ATXN1: variants seen among roughly 807,000 people sequenced by gnomAD.
ATXN1 encodes the protein ataxin-1.
In ATXN1, 8 loss-of-function variants were observed where a neutral mutation model predicts 56.4. The observed-to-expected ratio is 0.14, with a 90% CI of 0.08 to 0.26. The LOEUF (loss-of-function observed/expected upper bound fraction) is 0.26, where lower values mean the gene tolerates loss of function less well. Among genes scored for constraint, ATXN1 ranks in the 10% least tolerant of loss-of-function variants. The probability of loss-of-function intolerance (pLI) is 1.00; values close to 1 mark genes in which losing one functional copy is unlikely to be tolerated. For synonymous variants in ATXN1, 514 were observed against 494.6 expected, an observed-to-expected ratio of 1.04 and a Z score of -0.52; for missense variants, 987 against 1,106.5, an observed-to-expected ratio of 0.89 and a Z score of 1.53.
At chr6:16,699,786 G>C (rs979548170) in intron 2 of ATXN1, among the ~76,000 whole-genome samples, 1 of 152,178 alleles carries the variant, frequency 6.6e-6, no homozygotes, top group Non-Finnish European at 1.5e-5. Context: ...AGAATCAACT[G>C]TGTCCCTTAG....
intron 2 of ATXN1, among the ~76,000 whole-genome samples, chr6:16,689,190 C>T (rs1044873518): frequency 6.6e-6 from 1 of 152,074 alleles, no homozygotes; most frequent in Non-Finnish European, 1.5e-5. Flanking sequence ...TTTGGAACTG[C>T]AATACTTGAG....
intron 6 of ATXN1, among the ~76,000 whole-genome samples, chr6:16,421,578 T>C (rs943406607): frequency 8.0e-5 from 12 of 149,086 alleles, no homozygotes; most frequent in African/African-American, 2.9e-4. Context: ...ACTGGGCTTC[T>C]TCCTACTTTA....
At chr6:16,345,924 G>A (rs1581703620) in intron 6 of ATXN1, among the ~76,000 whole-genome samples, 2 of 152,128 alleles carry the variant, frequency 1.3e-5, no homozygotes, top group Non-Finnish European at 2.9e-5. Context: ...CCAGCTCAGC[G>A]TCATTAACTT....
At chr6:16,643,627 C>CTCTTA (rs1763748662) in intron 3 of ATXN1, among the ~76,000 whole-genome samples, 1 of 63,198 alleles carries the variant, frequency 1.6e-5, no homozygotes, top group African/African-American at 5.2e-5. Context: ...GAGACCCTGC[C>CTCTTA]AAAAAAAAAA....
At chr6:16,380,657 A>G (rs1228998171) in intron 6 of ATXN1, among the ~76,000 whole-genome samples, 1 of 152,124 alleles carries the variant, frequency 6.6e-6, no homozygotes, top group Non-Finnish European at 1.5e-5. Context: ...ACAGGCTTGT[A>G]GGCCATAAAT....
chr6:16,503,011 G>A (rs761840733), intron 5 of ATXN1, among the ~76,000 whole-genome samples: 57 of 152,194 alleles, frequency 3.7e-4, no homozygotes, highest in Middle Eastern at 3.4e-3. Context: ...TAAGCTAATC[G>A]TCACCAACTA....
intron 3 of ATXN1, chr6:16,651,837 A>G (rs1481960736): frequency 6.6e-6 from 1 of 152,220 alleles, no homozygotes; most frequent in African/African-American, 2.4e-5. Context: ...CCTTCAGGGA[A>G]AGCATGTGCG....
rs557953170 is a variant in ATXN1 at position 16,346,925 on chromosome 6, G to A, written c.-160-18455C>T. On this transcript the variant is annotated intron_variant, in intron 6 of 7. Coordinates refer to ENST00000436367, the MANE Select transcript of ATXN1 (RefSeq NM_001128164.2). Reference sequence around the variant, plus strand: ...ACCCGGGCTGCGCGCGTTGCTTGTGGGCCAGCGCGCGTTCCAGGTGGCTGT... The same window carrying A: ...ACCCGGGCTGCGCGCGTTGCTTGTGAGCCAGCGCGCGTTCCAGGTGGCTGT... Among the ~76,000 whole-genome samples, 12 of 152,364 alleles carry A rather than the reference G, an allele frequency of 7.9e-5. No homozygotes were observed. In the East Asian group the frequency reaches 2.3e-3, roughly 29 times the overall value.
intron 6 of ATXN1, among the ~76,000 whole-genome samples, chr6:16,442,568 T>C (rs575722162): frequency 6.6e-6 from 1 of 152,162 alleles, no homozygotes; most frequent in South Asian, 2.1e-4. Flanking sequence ...AAAAGGATAT[T>C]ACCTTAAATC....
At chr6:16,365,919 C>A (rs1581716445) in intron 6 of ATXN1, among the ~76,000 whole-genome samples, 2 of 152,170 alleles carry the variant, frequency 1.3e-5, no homozygotes, top group African/African-American at 4.8e-5. Flanking sequence ...TATTCAGAGT[C>A]CTATATATCT....
intron 3 of ATXN1, among the ~76,000 whole-genome samples, chr6:16,630,350 C>T (rs1248876132): frequency 6.6e-6 from 1 of 152,218 alleles, no homozygotes; most frequent in African/African-American, 2.4e-5. Context: ...ATTTACAGAA[C>T]CAGCCTTATC....
At chr6:16,474,286 G>C (rs1760279958) in intron 6 of ATXN1, among the ~76,000 whole-genome samples, 1 of 152,232 alleles carries the variant, frequency 6.6e-6, no homozygotes, top group African/African-American at 2.4e-5. Context: ...AGCAGAGCTT[G>C]AAAAGCACTC....
At chr6:16,368,343 C>CTTTT (rs10527935) in intron 6 of ATXN1, among the ~76,000 whole-genome samples, 73 of 75,896 alleles carry the variant, frequency 9.6e-4, no homozygotes, top group East Asian at 1.9e-3. Flanking sequence ...ACTTCTTCTT[C>CTTTT]TTTTTTTTTT....
chr6:16,580,927 C>T (rs12055437), intron 4 of ATXN1, among the ~76,000 whole-genome samples: 3 of 152,066 alleles, frequency 2.0e-5, no homozygotes. Flanking sequence ...CATATTTATG[C>T]TGAAAGATAA....
At chr6:16,608,284 T>G (rs1666543117) in intron 3 of ATXN1, among the ~76,000 whole-genome samples, 1 of 152,224 alleles carries the variant, frequency 6.6e-6, no homozygotes, top group Admixed American at 6.5e-5. Context: ...GTCACCTTTG[T>G]TGACAATCAT....
At chr6:16,577,717 C>T (rs1218298111) in intron 4 of ATXN1, among the ~76,000 whole-genome samples, 1 of 151,968 alleles carries the variant, frequency 6.6e-6, no homozygotes, top group Non-Finnish European at 1.5e-5. Context: ...TAGATTTTGC[C>T]TCTGATATGA....
At chr6:16,556,062 T>C (rs1198982416) in intron 4 of ATXN1, among the ~76,000 whole-genome samples, 1 of 152,246 alleles carries the variant, frequency 6.6e-6, no homozygotes. Flanking sequence ...CTTTTTCCTC[T>C]TGTGGTTTCT....
rs1759503556 is a variant in ATXN1 at position 16,440,843 on chromosome 6, A to G, written c.-161+45129T>C. 3.3e-5 allele frequency among the ~76,000 whole-genome samples: 5 copies of G among 152,130 alleles called. No homozygotes were observed. In the South Asian group the frequency reaches 1.0e-3, roughly 31 times the overall value. On this transcript the variant is annotated intron_variant, in intron 6 of 7. Coordinates refer to ENST00000436367, the MANE Select transcript of ATXN1 (RefSeq NM_001128164.2). ...AAAAACCCATGGACCACATCAAGAC[A>G]AAATGAGGTTACTGTGTAGTCCATA...
chr6:16,667,971 G>C (rs1197751478), intron 2 of ATXN1, among the ~76,000 whole-genome samples: 3 of 152,166 alleles, frequency 2.0e-5, no homozygotes, highest in African/African-American at 7.2e-5. Context: ...CCATCAAGGT[G>C]GGCTTACCTA....
Sources: allele counts gnomAD v4.1 joint callset (sites outside exome capture counted in the v4.1 genomes callset), GRCh38; gene constraint gnomAD v4.1.1; transcripts MANE v1.5; gene names NCBI Gene and HGNC (gene_info 2026-07-23, HGNC 2026-07-21).